CLCN3: variants seen among roughly 807,000 people sequenced by gnomAD.
CLCN3 encodes the protein H(+)/Cl(-) exchange transporter 3.
A neutral mutation model predicts 83.4 loss-of-function variants in CLCN3; 16 were observed. The observed-to-expected ratio is 0.19, with a 90% CI of 0.13 to 0.29. The LOEUF is 0.29. Ranked by LOEUF, CLCN3 falls within the 10% of genes least tolerant of loss-of-function variation. The pLI is 1.00. For missense variants in CLCN3, 544 were observed against 1,006.0 expected, an observed-to-expected ratio of 0.54 and a Z score of 6.21; for synonymous variants, 322 against 346.2, an observed-to-expected ratio of 0.93 and a Z score of 0.78.
At chr4:169,653,948 A>G (rs1385758635) in intron 2 of CLCN3, among the ~76,000 whole-genome samples, 2 of 152,166 alleles carry the variant, frequency 1.3e-5, no homozygotes, top group Non-Finnish European at 2.9e-5. Context: ...CACTTCTAAC[A>G]CTGGAAATCG....
chr4:169,707,028 T>C lies in CLCN3; in HGVS notation c.1911T>C (p.Asn637=). 1 of 1,614,186 alleles carries C rather than the reference T, an allele frequency of 6.2e-7. No homozygotes were observed. The highest frequency in any genetic ancestry group is 8.5e-7 in the Non-Finnish European group (1 of 1,180,020). Residue 637 remains asparagine (N), a synonymous_variant, in exon 11 of 13, where the codon AAT becomes AAC. Coordinates refer to ENST00000513761, the MANE Select transcript of CLCN3 (RefSeq NM_001829.4). Reference sequence around the variant, plus strand: ...TTTATGAAGCACACATCCGATTAAATGGATACCCTTTCTTGGATGCAAAAG... The same window carrying C: ...TTTATGAAGCACACATCCGATTAAACGGATACCCTTTCTTGGATGCAAAAG... ...EGIYEAHIRL[N]GYPFLDAKEE...
chr4:169,656,112 A>G (rs1730875629), intron 2 of CLCN3, among the ~76,000 whole-genome samples: 3 of 151,758 alleles, frequency 2.0e-5, no homozygotes. Context: ...AATGACTGAC[A>G]ATGCAAGTTA....
intron 3 of CLCN3, among the ~76,000 whole-genome samples, chr4:169,682,950 G>A (rs1224298783): frequency 6.6e-6 from 1 of 152,146 alleles, no homozygotes; most frequent in African/African-American, 2.4e-5. Flanking sequence ...CCTTGAAAAG[G>A]TCTCGGGGAT....
chr4:169,671,858 T>A (rs989684003), intron 2 of CLCN3, among the ~76,000 whole-genome samples: 1 of 152,102 alleles, frequency 6.6e-6, no homozygotes, highest in African/African-American at 2.4e-5. Context: ...CACAGGTAAG[T>A]GAGAACTGCA....
At chr4:169,682,314 G>GTGA (rs1456050172) in intron 3 of CLCN3, among the ~76,000 whole-genome samples, 4 of 152,166 alleles carry the variant, frequency 2.6e-5, no homozygotes, top group African/African-American at 9.7e-5. Flanking sequence ...CATCCTCACA[G>GTGA]TGATAGATAC....
At chr4:169,647,859 G>A (rs1400979278) in intron 2 of CLCN3, among the ~76,000 whole-genome samples, 5 of 152,028 alleles carry the variant, frequency 3.3e-5, no homozygotes, top group Non-Finnish European at 7.4e-5. Flanking sequence ...GGAAAAACCT[G>A]GAAAACACTA....
intron 9 of CLCN3, among the ~76,000 whole-genome samples, chr4:169,701,242 T>A (rs1732774591): frequency 6.6e-6 from 1 of 152,230 alleles, no homozygotes; most frequent in African/African-American, 2.4e-5. Context: ...TCTTTGCTCA[T>A]CCATAAGAAG....
At chr4:169,683,744 ATTT>A (rs762304193) in intron 3 of CLCN3, among the ~76,000 whole-genome samples, 1 of 141,180 alleles carries the variant, frequency 7.1e-6, no homozygotes, top group Admixed American at 7.1e-5. Flanking sequence ...CTTAAAATTA[ATTT>A]TTTTTTTTTT....
chr4:169,692,057 C>A, intron 6 of CLCN3, 57 bp from the exon 7 acceptor site: 1 of 1,075,406 alleles, frequency 9.3e-7, no homozygotes, highest in Non-Finnish European at 1.4e-6. Context: ...AACTTGGATT[C>A]GTTACATTCT....
In CLCN3 at chr4:169,723,406, T is replaced by G. The variant is rs1733697771; in HGVS notation, c.*3409T>G. 6.6e-6 allele frequency: 1 copy of G among 152,140 alleles called. No individual in the cohort carries two copies. Among genetic ancestry groups the G allele is most frequent in the Non-Finnish European group, 1.5e-5 (1 of 68,024 alleles). 9.4% of individuals were successfully genotyped at this position (152,140 alleles called of 1,614,324 possible). On this transcript the variant is annotated 3_prime_UTR_variant, in exon 13 of 13. Coordinates refer to ENST00000513761, the MANE Select transcript of CLCN3 (RefSeq NM_001829.4). Reference sequence around the variant, plus strand: ...AGGATGTTCATACCACCAGCAATGGTTTAGCGCCCCCATTTGTCAGTGAAA... The same window carrying G: ...AGGATGTTCATACCACCAGCAATGGGTTAGCGCCCCCATTTGTCAGTGAAA...
At chr4:169,689,379 G>A (rs1732279252) in intron 5 of CLCN3, 149 bp downstream of exon 5, 9 of 622,352 alleles carry the variant, frequency 1.4e-5, no homozygotes, top group African/African-American at 1.9e-5. Context: ...AAAGAATTAA[G>A]TGCAATATTG....
Position 169,684,826 on chromosome 4 carries a change from C to A in CLCN3, c.319-2832C>A, listed in dbSNP as rs535667505. Among the ~76,000 whole-genome samples the A allele has an allele frequency of 4.6e-5, 7 of 152,190 alleles. No homozygotes were observed. The South Asian group carries it at 8.3e-4, about 18-fold the overall frequency. On this transcript the variant is annotated intron_variant, in intron 3 of 12. Coordinates refer to ENST00000513761, the MANE Select transcript of CLCN3 (RefSeq NM_001829.4). The stretch of plus-strand genomic sequence containing the variant: ...CTGAACATCACAAACATAGTCATTT[C>A]GTTTACCCCACAATACACACATACA...
At chr4:169,702,450 T>C (rs1226859888) in intron 9 of CLCN3, among the ~76,000 whole-genome samples, 1 of 152,200 alleles carries the variant, frequency 6.6e-6, no homozygotes, top group African/African-American at 2.4e-5. Flanking sequence ...AAAAGGAATC[T>C]TTTTGTCTGA....
At chr4:169,650,815 T>G (rs1289896233) in intron 2 of CLCN3, among the ~76,000 whole-genome samples, 3 of 152,234 alleles carry the variant, frequency 2.0e-5, no homozygotes, top group African/African-American at 7.2e-5. Flanking sequence ...GTCTCCAGAC[T>G]GCTTCAGCCA....
rs1732899779 is a variant in CLCN3 at position 169,704,099 on chromosome 4, G to C, written c.1665G>C (p.Trp555Cys). The part of the protein sequence containing the change: ...VEQLAYYHHD[W>C]FIFKEWCEVG... ...AGCTTGCCTACTATCACCACGACTG[G>C]TTTATCTTTAAGGAGTGGTGTGAGG... Residue 555 changes from tryptophan to cysteine, a missense_variant, in exon 10 of 13, where the codon TGG (tryptophan) becomes TGC (cysteine). Trp to Cys is a radical substitution (Grantham distance 215). Coordinates refer to ENST00000513761, the MANE Select transcript of CLCN3 (RefSeq NM_001829.4). The C allele has an allele frequency of 1.9e-6, 3 of 1,614,036 alleles. No individual in the cohort carries two copies. Among genetic ancestry groups the C allele is most frequent in the Non-Finnish European group, 1.7e-6 (2 of 1,179,982 alleles).
intron 1 of CLCN3, among the ~76,000 whole-genome samples, chr4:169,625,476 C>T (rs542566413): frequency 6.6e-6 from 1 of 152,260 alleles, no homozygotes; most frequent in East Asian, 1.9e-4. Context: ...TTGCTCCCCT[C>T]CCCAAATTCT....
chr4:169,682,213 CTT>C (rs1263918276), intron 3 of CLCN3, among the ~76,000 whole-genome samples: 4 of 151,990 alleles, frequency 2.6e-5, no homozygotes, highest in East Asian at 3.8e-4. Context: ...AATGTTGACA[CTT>C]ATATAATATA....
intron 12 of CLCN3, among the ~76,000 whole-genome samples, chr4:169,717,425 GAGGA>G (rs1733467072): frequency 6.6e-6 from 1 of 152,114 alleles, no homozygotes; most frequent in Non-Finnish European, 1.5e-5. Flanking sequence ...ATTTTCCTCT[GAGGA>G]AAGAACATTG....
chr4:169,677,084 T>C (rs1046785425), intron 2 of CLCN3, among the ~76,000 whole-genome samples: 15 of 152,006 alleles, frequency 9.9e-5, no homozygotes, highest in Non-Finnish European at 1.5e-5. Flanking sequence ...AGTCAAAGAA[T>C]ATTGGAACCT....
Sources: gnomAD v4.1 joint callset for allele counts (sites outside exome capture counted in the v4.1 genomes callset) on GRCh38, gnomAD v4.1.1 for gene constraint, MANE v1.5 for transcripts, NCBI Gene and HGNC (gene_info 2026-07-23, HGNC 2026-07-21) for gene names.